Variants in IQCC observed in about 807,000 individuals in gnomAD.
IQCC encodes the protein IQ motif containing C, also known as IQ domain-containing protein C.
In IQCC, 23 loss-of-function variants were observed where a neutral mutation model predicts 27.0. The observed-to-expected ratio is 0.85, with a 90% CI of 0.61 to 1.21. The LOEUF is 1.21. Ranked by LOEUF, IQCC falls within the 50% of genes most tolerant of loss-of-function variation. The pLI is 0.00. For missense variants in IQCC, 552 were observed against 562.3 expected, an observed-to-expected ratio of 0.98 and a Z score of 0.19; for synonymous variants, 220 against 217.2, an observed-to-expected ratio of 1.01 and a Z score of -0.11.
Position 32,206,238 on chromosome 1 carries a change from G to C in IQCC, c.127G>C (p.Asp43His). 1.2e-6 allele frequency: 2 copies of C among 1,614,162 alleles called. No individual in the cohort carries two copies. The highest frequency in any genetic ancestry group is 1.7e-6 in the Non-Finnish European group (2 of 1,180,024). ...YEAIVREVEG[D>H]LGTLQWTEGR... ...GGCGATTGTACGAGAGGTCGAGGGCGACCTGGGCACGCTTCAGTGGACCGA... is the reference window on the plus strand; with the variant it reads ...GGCGATTGTACGAGAGGTCGAGGGCCACCTGGGCACGCTTCAGTGGACCGA... The change falls in exon 2 of 5, where the codon GAC (aspartate) becomes CAC (histidine). Residue 43 changes from aspartate (D) to histidine (H), a missense_variant. Coordinates refer to ENST00000291358, the MANE Select transcript of IQCC (RefSeq NM_018134.3).
Position 32,205,866 on chromosome 1 carries a change from G to T in IQCC, c.42+143G>T, listed in dbSNP as rs1253883917. The T allele has an allele frequency of 6.4e-7, 1 of 1,552,736 alleles. No individual in the cohort carries two copies. The highest frequency in any genetic ancestry group is 8.7e-7 in the Non-Finnish European group (1 of 1,147,828). On this transcript the variant is annotated intron_variant, in intron 1 of 4. Coordinates refer to ENST00000291358, the MANE Select transcript of IQCC (RefSeq NM_018134.3). The surrounding 1 kb of genome is among the most constrained non-coding windows in gnomAD (Gnocchi z 5.6). ...CTGGAGATACCGGCTGTCCCCAACCGCGCTGAGGAAAGCTGGGACCCACGG... is the reference window on the plus strand; with the variant it reads ...CTGGAGATACCGGCTGTCCCCAACCTCGCTGAGGAAAGCTGGGACCCACGG...
chr1:32,207,946 G>C lies in IQCC; in HGVS notation c.1265G>C (p.Ser422Thr). The part of the protein sequence containing the change: ...SSRDGTSNEP[S>T]HEGQKKQRTI... ...AGAGATGGAACCTCCAATGAGCCTA[G>C]TCATGAAGGACAGAAAAAGCAGAGG... Residue 422 changes from serine to threonine, a missense_variant, in exon 5 of 5, where the codon AGT becomes ACT. Coordinates refer to ENST00000291358, the MANE Select transcript of IQCC (RefSeq NM_018134.3). 6.2e-7 allele frequency: 1 copy of C among 1,614,192 alleles called. No individual in the cohort carries two copies. The highest frequency in any genetic ancestry group is 1.3e-5 in the African/African-American group (1 of 75,040).
rs1643333216 is a variant in IQCC at position 32,206,310 on chromosome 1, TAGGAG to T, written c.186+16_186+20del. On this transcript the variant is annotated intron_variant, in intron 2 of 4. Coordinates refer to ENST00000291358, the MANE Select transcript of IQCC (RefSeq NM_018134.3). The stretch of plus-strand genomic sequence containing the variant: ...ATTCCTCCCAGAGGTAGAACACACC[TAGGAG>T]AGAAGGGAAGGAGGGACTTGGGCAG... The T allele has an allele frequency of 7.4e-6, 12 of 1,612,782 alleles. No individual in the cohort carries two copies. The highest frequency in any genetic ancestry group is 1.0e-5 in the Non-Finnish European group (12 of 1,178,982).
In IQCC at chr1:32,207,651, A is replaced by T; in HGVS notation, c.970A>T (p.Thr324Ser). 1.2e-6 allele frequency: 2 copies of T among 1,613,824 alleles called. No homozygotes were observed. Among genetic ancestry groups the T allele is most frequent in the Non-Finnish European group, 1.7e-6 (2 of 1,179,962 alleles). ...LLQMKILEDQTPRGLKPRNHC... is the reference protein window; with the variant it reads ...LLQMKILEDQSPRGLKPRNHC... The stretch of plus-strand genomic sequence containing the variant: ...GCAGATGAAAATCCTGGAGGACCAG[A>T]CCCCCAGAGGTTTAAAACCTAGGAA... Residue 324 changes from threonine (T) to serine (S), a missense_variant, in exon 5 of 5, where the codon ACC (threonine) becomes TCC (serine). Transcript: ENST00000291358.
In IQCC at chr1:32,205,998, G is replaced by C. The variant is rs1279295650; in HGVS notation, c.43-156G>C. 6.4e-7 allele frequency: 1 copy of C among 1,572,942 alleles called. No individual in the cohort carries two copies. ...GGCATCCAGTCTGGCATCGTCCCTC[G>C]AGCCCCCCGGAGCCCTAGCGCACAG... On this transcript the variant is annotated intron_variant, in intron 1 of 4. Transcript: ENST00000291358. This position sits in a 1 kb window ranked among gnomAD's most constrained non-coding sequence, Gnocchi z 5.6.
rs752696604 is a variant in IQCC at position 32,207,533 on chromosome 1, G to A, written c.852G>A (p.Pro284=). 26 of 1,611,384 alleles carry A rather than the reference G, an allele frequency of 1.6e-5. 1 individual carries two copies. Among genetic ancestry groups the A allele is most frequent in the East Asian group, 2.2e-5 (1 of 44,876 alleles). The change falls in exon 5 of 5, where the codon CCG becomes CCA. Residue 284 remains proline, a synonymous_variant. Transcript: ENST00000291358. ...CATGCTACAGCAAGTCTGGACCACC[G>A]TCGTCTATACCATCAAACAGCCAGG... ...REPCYSKSGP[P]SSIPSNSQAL... is the part of the protein sequence containing the mutation.
Position 32,207,573 on chromosome 1 carries a change from C to G in IQCC, c.892C>G (p.Leu298Val). 1.2e-6 allele frequency: 2 copies of G among 1,612,722 alleles called. No homozygotes were observed. Among genetic ancestry groups the G allele is most frequent in the Non-Finnish European group, 1.7e-6 (2 of 1,179,406 alleles). The change falls in exon 5 of 5, where the codon CTC becomes GTC. Residue 298 changes from leucine to valine, a missense_variant. Coordinates refer to ENST00000291358, the MANE Select transcript of IQCC (RefSeq NM_018134.3). Reference sequence around the variant, plus strand: ...AAACAGCCAGGCCTTGGGGGACAGGCTCACCAAAGGGCCAGACGATGGAAG... The same window carrying G: ...AAACAGCCAGGCCTTGGGGGACAGGGTCACCAAAGGGCCAGACGATGGAAG... ...PSNSQALGDRLTKGPDDGRQT... is the reference protein window; with the variant it reads ...PSNSQALGDRVTKGPDDGRQT...
rs1341781767 is a variant in IQCC, at chr1:32,208,237, A to C, written c.*155A>C. 2 of 746,228 alleles carry C rather than the reference A, an allele frequency of 2.7e-6. No individual in the cohort carries two copies. The highest frequency in any genetic ancestry group is 2.7e-5 in the East Asian group (1 of 36,986). 46.2% of individuals were successfully genotyped at this position (746,228 alleles called of 1,614,324 possible). ...GGGGCCAAGAGAAGCTGGAGCAGAGAGCTGGCATGAGTATAGGGAAGGAGG... is the reference window on the plus strand; with the variant it reads ...GGGGCCAAGAGAAGCTGGAGCAGAGCGCTGGCATGAGTATAGGGAAGGAGG... On this transcript the variant is annotated 3_prime_UTR_variant, in exon 5 of 5. Coordinates refer to ENST00000291358, the MANE Select transcript of IQCC (RefSeq NM_018134.3).
In IQCC at chr1:32,207,441, C is replaced by G. The variant is rs1031989779; in HGVS notation, c.760C>G (p.Pro254Ala). 4.3e-6 allele frequency: 7 copies of G among 1,613,696 alleles called. No individual in the cohort carries two copies. Among genetic ancestry groups the G allele is most frequent in the Admixed American group, 1.7e-5 (1 of 59,980 alleles). Reference protein sequence around the residue: ...EDDSCHRVKSPHRSPGSLATT... With the variant: ...EDDSCHRVKSAHRSPGSLATT... ...TGACTCCTGTCACAGGGTCAAATCA[C>G]CCCACAGATCCCCAGGAAGTTTGGC... is the stretch of plus-strand genomic sequence containing the variant. Residue 254 changes from proline (P) to alanine (A), a missense_variant, in exon 5 of 5, where the codon CCC becomes GCC. Pro to Ala is a conservative substitution (Grantham distance 27). Coordinates refer to ENST00000291358, the MANE Select transcript of IQCC (RefSeq NM_018134.3).
chr1:32,206,049 G>A (rs1007040983), intron 1 of IQCC, 105 bp from the exon 2 acceptor site: 9 of 1,600,360 alleles, frequency 5.6e-6, no homozygotes, highest in Non-Finnish European at 6.8e-6. Context: ...CCCGCCGTCA[G>A]GTCCCCTCTT....
chr1:32,207,729 A>C lies in IQCC; in HGVS notation c.1048A>C (p.Asn350His). The C allele has an allele frequency of 6.2e-7, 1 of 1,613,992 alleles. No individual in the cohort carries two copies. The highest frequency in any genetic ancestry group is 8.5e-7 in the Non-Finnish European group (1 of 1,180,034). ...GCTGTCTGCACTCTATGAGGACTCA[A>C]ATATTAAGGAGATGTCTCCCAGAAA... ...TQLSALYEDS[N>H]IKEMSPRKLD... Residue 350 changes from asparagine to histidine, a missense_variant, in exon 5 of 5, where the codon AAT becomes CAT. Transcript: ENST00000291358.
chr1:32,206,000 GC>G lies in IQCC; in HGVS notation c.43-148del. The G allele has an allele frequency of 6.3e-7, 1 of 1,576,314 alleles. No individual in the cohort carries two copies. The highest frequency in any genetic ancestry group is 2.3e-5 in the East Asian group (1 of 42,952). On this transcript the variant is annotated intron_variant, in intron 1 of 4. Transcript: ENST00000291358. This position sits in a 1 kb window ranked among gnomAD's most constrained non-coding sequence, Gnocchi z 5.6. ...CATCCAGTCTGGCATCGTCCCTCGA[GC>G]CCCCCGGAGCCCTAGCGCACAGCCC...
At chr1:32,206,937 G>T (rs1037402192) in intron 3 of IQCC, 65 bp from the exon 4 acceptor site, 1 of 1,444,164 alleles carries the variant, frequency 6.9e-7, no homozygotes, top group Non-Finnish European at 9.6e-7. Context: ...AAAGTCTAAG[G>T]CTAGGCCATT....
rs1468894080 is a variant in IQCC, at chr1:32,207,222, T to A, written c.559-18T>A. ...AAGCAGGCCTGCTTGGTACAATGTA[T>A]GTTCTCTCCCCCAACAGTACCTACT... On this transcript the variant is annotated intron_variant, in intron 4 of 4. Transcript: ENST00000291358. 1.2e-6 allele frequency: 2 copies of A among 1,613,562 alleles called. No homozygotes were observed. The highest frequency in any genetic ancestry group is 1.7e-6 in the Non-Finnish European group (2 of 1,179,618).
Position 32,207,801 on chromosome 1 carries a change from T to G in IQCC, c.1120T>G (p.Leu374Val). The part of the protein sequence containing the change: ...PDCRTVRTQE[L>V]GLSEDHIIWD... ...CTGCCGAACAGTCAGGACACAAGAGTTGGGCCTCTCAGAGGACCACATCAT... is the reference window on the plus strand; with the variant it reads ...CTGCCGAACAGTCAGGACACAAGAGGTGGGCCTCTCAGAGGACCACATCAT... Residue 374 changes from leucine (L) to valine (V), a missense_variant, in exon 5 of 5, where the codon TTG becomes GTG. Physicochemically the swap from Leu to Val is conservative, Grantham distance 32. Coordinates refer to ENST00000291358, the MANE Select transcript of IQCC (RefSeq NM_018134.3). 1 of 1,613,640 alleles carries G rather than the reference T, an allele frequency of 6.2e-7. No homozygotes were observed. The highest frequency in any genetic ancestry group is 8.5e-7 in the Non-Finnish European group (1 of 1,179,872).
rs1643372147 is a variant in IQCC at position 32,207,079 on chromosome 1, G to C, written c.517G>C (p.Glu173Gln). The C allele has an allele frequency of 1.2e-6, 2 of 1,612,966 alleles. No homozygotes were observed. The highest frequency in any genetic ancestry group is 1.7e-6 in the Non-Finnish European group (2 of 1,179,490). ...LQYHRSHLAM[E>Q]LLWLQQAINS... ...GTACCACCGCAGCCACTTGGCCATG[G>C]AATTGCTGTGGCTGCAACAGGCCAT... Residue 173 changes from glutamate to glutamine, a missense_variant, in exon 4 of 5, where the codon GAA becomes CAA. Transcript: ENST00000291358.
Position 32,207,781 on chromosome 1 carries a change from G to A in IQCC, c.1100G>A (p.Arg367Gln), listed in dbSNP as rs149820318. The part of the protein sequence containing the change: ...RKLDHKEPDC[R>Q]TVRTQELGLS... ...CTAGACCACAAAGAGCCTGACTGCC[G>A]AACAGTCAGGACACAAGAGTTGGGC... The change falls in exon 5 of 5, where the codon CGA becomes CAA. Residue 367 changes from arginine to glutamine, a missense_variant. Transcript: ENST00000291358. 871 of 1,613,742 alleles carry A rather than the reference G, an allele frequency of 5.4e-4. 3 individuals are homozygous for A. Among genetic ancestry groups the A allele is most frequent in the Non-Finnish European group, 6.6e-4 (784 of 1,179,810 alleles).
At position 32,206,356 on chromosome 1, in the gene IQCC, T is replaced by A. The variant is rs78002993; in HGVS notation, c.186+59T>A. On this transcript the variant is annotated intron_variant, in intron 2 of 4. Transcript: ENST00000291358. Reference sequence around the variant, plus strand: ...ACTTGGGCAGGGTGGAACCCACCCTTCCCAGTGATAAGCTTTTCTCACTGG... The same window carrying A: ...ACTTGGGCAGGGTGGAACCCACCCTACCCAGTGATAAGCTTTTCTCACTGG... The A allele has an allele frequency of 7.9e-4, 1,264 of 1,603,886 alleles. 11 individuals are homozygous for A. In the African/African-American group the frequency reaches 0.014, roughly 18 times the overall value.
chr1:32,206,147 A>T lies in IQCC; in HGVS notation c.43-7A>T. 6.2e-7 allele frequency: 1 copy of T among 1,613,336 alleles called. No homozygotes were observed. Among genetic ancestry groups the T allele is most frequent in the Non-Finnish European group, 8.5e-7 (1 of 1,179,406 alleles). ...AGGGACTTCTTTCCTCTCGTTCTCC[A>T]TACCAGGCCTGCGTCCGGGGCTTCT... On this transcript the variant is annotated splice_region_variant and splice_polypyrimidine_tract_variant and intron_variant, in intron 1 of 4. Coordinates refer to ENST00000291358, the MANE Select transcript of IQCC (RefSeq NM_018134.3).
Sources: allele counts gnomAD v4.1 joint callset, GRCh38; gene constraint gnomAD v4.1.1; non-coding constraint Gnocchi (gnomAD v3.1); transcripts MANE v1.5; gene names NCBI Gene and HGNC (gene_info 2026-07-23, HGNC 2026-07-21).